The following POMT2 variants were observed in gnomAD, a reference collection of about 807,000 sequenced individuals.
POMT2 encodes the protein protein O-mannosyl-transferase 2.
In POMT2, 75 loss-of-function variants were observed where a neutral mutation model predicts 100.0. That is an observed-to-expected ratio of 0.75 (90% CI 0.62 to 0.91). The LOEUF is 0.91. POMT2 is among the 40% of genes least tolerant of loss of function. POMT2 has a pLI of 0.00. For missense variants in POMT2, 940 were observed against 955.1 expected (o/e 0.98, Z 0.21); for synonymous variants, 378 against 374.1 (o/e 1.01, Z -0.12).
At chr14:77,301,318 A>AC in intron 5 of POMT2, 69 bp from the exon 6 acceptor site, 1 of 1,585,732 alleles carries the variant, frequency 6.3e-7, no homozygotes, top group East Asian at 2.2e-5. Context: ...GCAGCAGGGG[A>AC]CAGGGCAGTT....
At chr14:77,320,054 G>A (rs1302951878) in intron 1 of POMT2, among the ~76,000 whole-genome samples, 2 of 152,068 alleles carry the variant, frequency 1.3e-5, no homozygotes, top group Non-Finnish European at 2.9e-5. Flanking sequence ...CTCCTCTGTT[G>A]ATGCCTGAAA....
chr14:77,293,205 T>C (rs1890702345), intron 9 of POMT2, among the ~76,000 whole-genome samples: 1 of 152,234 alleles, frequency 6.6e-6, no homozygotes, highest in Non-Finnish European at 1.5e-5. Flanking sequence ...CCATCCAGCC[T>C]GGATTTGCTC....
rs371983324 is a variant in POMT2 at position 77,296,496 on chromosome 14, G to C, written c.1007-223C>G. The stretch of plus-strand genomic sequence containing the variant: ...CCGCCTCCTGAGGGCTTCAGAAGAA[G>C]CTTGTGTTAACACTGTCATTATCAA... On this transcript the variant is annotated intron_variant, in intron 8 of 20. Transcript: ENST00000261534. The C allele has an allele frequency of 8.2e-5, 47 of 574,794 alleles. 2 individuals are homozygous for C. Among genetic ancestry groups the C allele is most frequent in the South Asian group, 6.2e-4 (31 of 49,948 alleles). 35.6% of individuals were successfully genotyped at this position (574,794 alleles called of 1,614,324 possible).
chr14:77,320,839 G>A lies in POMT2; in HGVS notation c.-158C>T, dbSNP rs2139553694. On this transcript the variant is annotated 5_prime_UTR_variant, in exon 1 of 21. Coordinates refer to ENST00000261534, the MANE Select transcript of POMT2 (RefSeq NM_013382.7). ...GGGCCCCGGGCTCGGGGCGGGGCGG[G>A]CAGCGTGGTCGCGGCCCGGGCCGCT... The A allele has an allele frequency of 7.4e-7, 1 of 1,350,674 alleles. No individual in the cohort carries two copies. The highest frequency in any genetic ancestry group is 1.8e-5 in the South Asian group (1 of 57,140). 83.7% of individuals were successfully genotyped at this position (1,350,674 alleles called of 1,614,324 possible). A position where few individuals can be genotyped will look rare whatever the true frequency, so the allele number is the denominator to read the frequency against.
Position 77,277,145 on chromosome 14 carries a change from C to T in POMT2, c.*231G>A. The T allele has an allele frequency of 1.8e-6, 1 of 564,808 alleles. No individual in the cohort carries two copies. Among genetic ancestry groups the T allele is most frequent in the South Asian group, 1.9e-5 (1 of 51,456 alleles). The allele number at this position is 564,808 out of a possible 1,614,324, so 35.0% of individuals were successfully genotyped here. Reference sequence around the variant, plus strand: ...CCCTGCGCTGTGCACGAGGGAGCAGCCCAAGAGGCGCTGTCCTCTCCGTGG... The same window carrying T: ...CCCTGCGCTGTGCACGAGGGAGCAGTCCAAGAGGCGCTGTCCTCTCCGTGG... On this transcript the variant is annotated 3_prime_UTR_variant, in exon 21 of 21. Coordinates refer to ENST00000261534, the MANE Select transcript of POMT2 (RefSeq NM_013382.7).
chr14:77,290,473 C>T lies in POMT2; in HGVS notation c.1183+841G>A, dbSNP rs540236812. On this transcript the variant is annotated intron_variant, in intron 10 of 20. Coordinates refer to ENST00000261534, the MANE Select transcript of POMT2 (RefSeq NM_013382.7). ...GGAGGTGGATTTAGGTGAGCAGCTGCCCATTTCTCTACAAAGGCCTAGGAG... is the reference window on the plus strand; with the variant it reads ...GGAGGTGGATTTAGGTGAGCAGCTGTCCATTTCTCTACAAAGGCCTAGGAG... Among the ~76,000 whole-genome samples, 3 of 152,308 alleles carry T rather than the reference C, an allele frequency of 2.0e-5. No individual in the cohort carries two copies. In the East Asian group the frequency reaches 5.8e-4, roughly 29 times the overall value.
chr14:77,293,297 T>C (rs1015818258), intron 9 of POMT2, among the ~76,000 whole-genome samples: 1 of 152,192 alleles, frequency 6.6e-6, no homozygotes, highest in Admixed American at 6.5e-5. Context: ...GTGTCTGTTT[T>C]ACAAGAGCAA....
At chr14:77,320,334 C>A (rs1891818616) in intron 1 of POMT2, 100 bp downstream of exon 1, 4 of 1,532,606 alleles carry the variant, frequency 2.6e-6, no homozygotes, top group Non-Finnish European at 3.5e-6. Flanking sequence ...CCGTGGCCCT[C>A]CTCCTATAGA....
chr14:77,297,969 T>C (rs1209385351), intron 8 of POMT2, among the ~76,000 whole-genome samples: 1 of 152,208 alleles, frequency 6.6e-6, no homozygotes, highest in African/African-American at 2.4e-5. Context: ...AAATACCTCA[T>C]CCAGACACCT....
rs1346021636 is a variant in POMT2, at chr14:77,320,442, C to T, written c.240G>A (p.Pro80=). Residue 80 remains proline, a synonymous_variant, in exon 1 of 21, where the codon CCG becomes CCA. Coordinates refer to ENST00000261534, the MANE Select transcript of POMT2 (RefSeq NM_013382.7). Reference sequence around the variant, plus strand: ...TCCCTCCCATCACTCACCAGATGTGCGGCGGCTCGTCCAAGCGGTGGAAGC... The same window carrying T: ...TCCCTCCCATCACTCACCAGATGTGTGGCGGCTCGTCCAAGCGGTGGAAGC... ...ATRFHRLDEP[P]HICWDETHFG... is the part of the protein sequence containing the mutation. 1 of 1,546,446 alleles carries T rather than the reference C, an allele frequency of 6.5e-7. No individual in the cohort carries two copies.
At chr14:77,298,863 T>C (rs1375540683) in intron 7 of POMT2, 92 bp from the exon 8 acceptor site, 41 of 1,202,790 alleles carry the variant, frequency 3.4e-5, no homozygotes, top group South Asian at 2.9e-4. Context: ...CTCAGATAGT[T>C]TAAGGAAAGT....
rs1890943386 is a variant in POMT2, at chr14:77,299,483, C to G, written c.895G>C (p.Ala299Pro). 3 of 1,613,938 alleles carry G rather than the reference C, an allele frequency of 1.9e-6. No individual in the cohort carries two copies. The highest frequency in any genetic ancestry group is 2.5e-6 in the Non-Finnish European group (3 of 1,179,984). The change falls in exon 7 of 21, where the codon GCT becomes CCT. Residue 299 changes from alanine (A) to proline (P), a missense_variant. Coordinates refer to ENST00000261534, the MANE Select transcript of POMT2 (RefSeq NM_013382.7). ...LPLALYTATF[A>P]VHFMVLSKSG... ...TTACTCAGCACCATGAAGTGAACAG[C>G]AAAGGTGGCTGTATAGAGAGCCAGG...
At chr14:77,288,941 T>C in intron 10 of POMT2, 110 bp from the exon 11 acceptor site, 1 of 923,324 alleles carries the variant, frequency 1.1e-6, no homozygotes, top group African/African-American at 1.6e-5. Flanking sequence ...CTAGAGGTAC[T>C]AACCAGGTAC....
chr14:77,294,450 T>C (rs780031019), intron 9 of POMT2, among the ~76,000 whole-genome samples: 3 of 152,206 alleles, frequency 2.0e-5, no homozygotes, highest in Non-Finnish European at 4.4e-5. Flanking sequence ...GTCTCCTGAG[T>C]GGCTGGGATT....
In POMT2 at chr14:77,299,438, A is replaced by C; in HGVS notation, c.923+17T>G. ...AGGAAAACCAGAAGCAAGATGCTGCAAAGGCTCTGTCTGTACCTTTTACTC... is the reference window on the plus strand; with the variant it reads ...AGGAAAACCAGAAGCAAGATGCTGCCAAGGCTCTGTCTGTACCTTTTACTC... On this transcript the variant is annotated intron_variant, in intron 7 of 20. Transcript: ENST00000261534. The C allele has an allele frequency of 6.2e-7, 1 of 1,608,842 alleles. No homozygotes were observed. Among genetic ancestry groups the C allele is most frequent in the Non-Finnish European group, 8.5e-7 (1 of 1,175,360 alleles).
intron 10 of POMT2, among the ~76,000 whole-genome samples, chr14:77,290,652 T>A (rs1890605015): frequency 6.6e-6 from 1 of 152,146 alleles, no homozygotes; most frequent in African/African-American, 2.4e-5. Flanking sequence ...AGCCTGCAGG[T>A]AGCTAGCTGT....
At chr14:77,307,858 C>CTTTTTTTTTTTTTTTTTTTT in intron 2 of POMT2, among the ~76,000 whole-genome samples, 1 of 101,228 alleles carries the variant, frequency 9.9e-6, no homozygotes, top group Non-Finnish European at 1.9e-5. Context: ...TTAATTTCTT[C>CTTTTTTTTTTTTTTTTTTTT]TTTTTTTTTT....
chr14:77,315,688 G>A (rs1026024453), intron 1 of POMT2, among the ~76,000 whole-genome samples: 26 of 152,220 alleles, frequency 1.7e-4, no homozygotes, highest in Non-Finnish European at 2.8e-4. Flanking sequence ...TACATCCCTG[G>A]AAGGGAAAGG....
At chr14:77,320,306 AC>A in intron 1 of POMT2, 127 bp downstream of exon 1, 2 of 1,486,664 alleles carry the variant, frequency 1.3e-6, no homozygotes, top group Non-Finnish European at 1.8e-6. Flanking sequence ...CCCACCCGAT[AC>A]CTCAAGTTCC....
Sources: gnomAD v4.1 joint callset for allele counts (sites outside exome capture counted in the v4.1 genomes callset) on GRCh38, gnomAD v4.1.1 for gene constraint, MANE v1.5 for transcripts, NCBI Gene and HGNC (gene_info 2026-07-23, HGNC 2026-07-21) for gene names.